CNTN5: variants seen among roughly 807,000 people sequenced by gnomAD.
CNTN5 encodes the protein contactin 5.
In CNTN5, 77 loss-of-function variants were observed where a neutral mutation model predicts 129.1. That is an observed-to-expected ratio of 0.60 (90% CI 0.50 to 0.72). The LOEUF is 0.72. Ranked by LOEUF, CNTN5 falls within the 30% of genes least tolerant of loss-of-function variation. The pLI, the probability that CNTN5 is intolerant of heterozygous loss-of-function variation, is 0.00. For missense variants in CNTN5, 1,478 were observed against 1,328.8 expected, an observed-to-expected ratio of 1.11 and a Z score of -1.75; for synonymous variants, 509 against 465.6, an observed-to-expected ratio of 1.09 and a Z score of -1.20.
intron 13 of CNTN5, among the ~76,000 whole-genome samples, chr11:100,184,738 GGAAAA>G: frequency 1.3e-5 from 2 of 152,156 alleles, no homozygotes; most frequent in East Asian, 3.9e-4. Flanking sequence ...ATGCAGCAGT[GGAAAA>G]CTATTACTTT....
chr11:99,070,795 C>T (rs1169514007), intron 1 of CNTN5, among the ~76,000 whole-genome samples: 2 of 151,546 alleles, frequency 1.3e-5, no homozygotes, highest in African/African-American at 4.9e-5. Context: ...TGTTAAACTT[C>T]AACATTAATA....
chr11:100,177,650 C>A (rs1486770354), intron 13 of CNTN5, among the ~76,000 whole-genome samples: 1 of 152,108 alleles, frequency 6.6e-6, no homozygotes, highest in Admixed American at 6.6e-5. Context: ...TAGCACTTAT[C>A]TCCTTTAATT....
intron 3 of CNTN5, among the ~76,000 whole-genome samples, chr11:99,577,540 G>C (rs1949396397): frequency 6.6e-6 from 1 of 152,076 alleles, no homozygotes. Context: ...TAATATTGTA[G>C]TTTGCTGTAG....
At chr11:99,058,649 C>T (rs1864735899) in intron 1 of CNTN5, among the ~76,000 whole-genome samples, 1 of 151,876 alleles carries the variant, frequency 6.6e-6, no homozygotes, top group Non-Finnish European at 1.5e-5. Flanking sequence ...TCTGCTCTTC[C>T]CACAGTTCCT....
At chr11:99,751,919 C>A (rs145377745) in intron 3 of CNTN5, among the ~76,000 whole-genome samples, 51 of 152,282 alleles carry the variant, frequency 3.3e-4, no homozygotes, top group African/African-American at 1.2e-3. Flanking sequence ...GCTGTCCCTG[C>A]TGCCATGTGA....
chr11:100,085,827 A>G (rs1462037265), intron 13 of CNTN5, among the ~76,000 whole-genome samples: 1 of 152,086 alleles, frequency 6.6e-6, no homozygotes, highest in Non-Finnish European at 1.5e-5. Context: ...AGTCTACTGT[A>G]CCATACAAAA....
intron 3 of CNTN5, among the ~76,000 whole-genome samples, chr11:99,650,747 T>G (rs1375678300): frequency 6.6e-6 from 1 of 151,966 alleles, no homozygotes; most frequent in Non-Finnish European, 1.5e-5. Context: ...AACATTCCAA[T>G]TATGACTTTT....
At chr11:99,777,277 A>G (rs1945156100) in intron 3 of CNTN5, among the ~76,000 whole-genome samples, 1 of 151,854 alleles carries the variant, frequency 6.6e-6, no homozygotes, top group Non-Finnish European at 1.5e-5. Flanking sequence ...CATGCTGCCC[A>G]TGGATATTGA....
intron 7 of CNTN5, among the ~76,000 whole-genome samples, chr11:99,950,780 T>C (rs371386741): frequency 6.6e-6 from 1 of 152,234 alleles, no homozygotes; most frequent in Non-Finnish European, 1.5e-5. Flanking sequence ...TACTACCACG[T>C]AGACATTATT....
At chr11:100,005,108 T>C (rs1940113308) in intron 9 of CNTN5, among the ~76,000 whole-genome samples, 1 of 152,198 alleles carries the variant, frequency 6.6e-6, no homozygotes, top group African/African-American at 2.4e-5. Flanking sequence ...TACTGTATTC[T>C]TCATTTACTT....
intron 1 of CNTN5, among the ~76,000 whole-genome samples, chr11:99,085,990 A>G (rs1865991203): frequency 6.6e-6 from 1 of 152,240 alleles, no homozygotes; most frequent in African/African-American, 2.4e-5. Context: ...ATAGCCTAGG[A>G]GCAATAGGCA....
chr11:99,746,394 A>C (rs1169136644), intron 3 of CNTN5, among the ~76,000 whole-genome samples: 3 of 152,146 alleles, frequency 2.0e-5, no homozygotes, highest in African/African-American at 7.2e-5. Flanking sequence ...GCTTAGATTT[A>C]TTTCCAGACT....
intron 15 of CNTN5, among the ~76,000 whole-genome samples, chr11:100,194,921 T>TATAA (rs144801844): frequency 0.11 from 17,466 of 151,946 alleles, 1,257 homozygotes; most frequent in Non-Finnish European, 0.15. Flanking sequence ...GGAGAGAGTA[T>TATAA]ATAAATAAGA....
chr11:99,461,454 G>A (rs947931892), intron 2 of CNTN5, among the ~76,000 whole-genome samples: 2 of 152,002 alleles, frequency 1.3e-5, no homozygotes, highest in Admixed American at 6.6e-5. Flanking sequence ...AGACCAACAA[G>A]GATGTGAGGA....
chr11:99,986,270 T>C (rs1257959338), intron 8 of CNTN5, among the ~76,000 whole-genome samples: 1 of 152,198 alleles, frequency 6.6e-6, no homozygotes, highest in Non-Finnish European at 1.5e-5. Context: ...GCAAACCTCT[T>C]ACCTCAACCT....
intron 9 of CNTN5, among the ~76,000 whole-genome samples, chr11:100,038,315 G>T (rs1393510212): frequency 3.3e-5 from 5 of 152,272 alleles, no homozygotes; most frequent in Admixed American, 2.0e-4. Context: ...TAGTTTGATT[G>T]CACTATGGTC....
At chr11:99,843,803 G>A (rs989403054) in intron 4 of CNTN5, among the ~76,000 whole-genome samples, 3 of 152,294 alleles carry the variant, frequency 2.0e-5, no homozygotes, top group Admixed American at 1.3e-4. Flanking sequence ...CAGAGACTGA[G>A]AAACCTGATC....
intron 6 of CNTN5, among the ~76,000 whole-genome samples, chr11:99,911,444 A>T (rs1949656245): frequency 6.6e-6 from 1 of 151,940 alleles, no homozygotes; most frequent in South Asian, 2.1e-4. Flanking sequence ...CCAGGAGACA[A>T]ATCAACCACA....
intron 2 of CNTN5, among the ~76,000 whole-genome samples, chr11:99,347,571 C>T (rs1937984716): frequency 6.6e-6 from 1 of 152,138 alleles, no homozygotes; most frequent in African/African-American, 2.4e-5. Flanking sequence ...AGTTCAGTCC[C>T]ACTTTTCATG....
Sources: gnomAD v4.1 joint callset for allele counts (sites outside exome capture counted in the v4.1 genomes callset) on GRCh38, gnomAD v4.1.1 for gene constraint, MANE v1.5 for transcripts, NCBI Gene and HGNC (gene_info 2026-07-23, HGNC 2026-07-21) for gene names.